The following KRT4 variants were observed in gnomAD, a reference collection of about 807,000 sequenced individuals.
KRT4 encodes keratin, type II cytoskeletal 4.
A neutral mutation model predicts 50.6 loss-of-function variants in KRT4; 47 were observed. The ratio of observed to expected loss-of-function variants is 0.93; its 90% CI spans 0.73 to 1.18. The LOEUF (loss-of-function observed/expected upper bound fraction) is 1.18, where lower values mean the gene tolerates loss of function less well. Ranked by LOEUF, KRT4 falls within the 50% of genes most tolerant of loss-of-function variation. The pLI, the probability that KRT4 is intolerant of heterozygous loss-of-function variation, is 0.00. For missense variants in KRT4, 651 were observed against 645.7 expected, an observed-to-expected ratio of 1.01 and a Z score of -0.09; for synonymous variants, 254 against 251.2, an observed-to-expected ratio of 1.01 and a Z score of -0.10.
Position 52,807,671 on chromosome 12 carries a change from C to A in KRT4, c.1319G>T (p.Arg440Leu), listed in dbSNP as rs748688818. 130 of 1,613,916 alleles carry A rather than the reference C, an allele frequency of 8.1e-5. No individual in the cohort carries two copies. Among genetic ancestry groups the A allele is most frequent in the Non-Finnish European group, 1.0e-4 (120 of 1,180,028 alleles). ...GTACTCCTCGCCCTCCAGCAGTTTG[C>A]GGTAGGTGGCGATCTCGATGTCCAA... ...LALDIEIATY[R>L]KLLEGEEYRM... is the part of the protein sequence containing the mutation. Residue 440 changes from arginine to leucine, a missense_variant, in exon 7 of 9, where the codon CGC becomes CTC. By Grantham distance (102) the Arg-to-Leu change is moderately radical. Coordinates refer to ENST00000551956, the MANE Select transcript of KRT4 (RefSeq NM_002272.4).
rs1406904259 is a variant in KRT4, at chr12:52,807,865, C to T, written c.1126-1G>A. ...CCACGGATACCTGAAGAGTCTGGCACTATTGACAAAGGCATTAGATAGGTG... is the reference window on the plus strand; with the variant it reads ...CCACGGATACCTGAAGAGTCTGGCATTATTGACAAAGGCATTAGATAGGTG... On this transcript the variant is annotated splice_acceptor_variant, in intron 6 of 8. Transcript: ENST00000551956. LOFTEE classifies it high-confidence loss of function. 5 of 1,613,250 alleles carry T rather than the reference C, an allele frequency of 3.1e-6. No homozygotes were observed. The Admixed American group carries it at 5.0e-5, about 16-fold the overall frequency.
Position 52,810,799 on chromosome 12 carries a change from T to C in KRT4, c.695A>G (p.Asn232Ser). Residue 232 changes from asparagine to serine, a missense_variant, in exon 3 of 9, where the codon AAC becomes AGC. Asn to Ser is a conservative substitution (Grantham distance 46). Transcript: ENST00000551956. ...GTCATTCTCGGCTGCTGTGCGTTTGTTGATCTCCTCTTCATACCTGGGGGT... is the reference window on the plus strand; with the variant it reads ...GTCATTCTCGGCTGCTGTGCGTTTGCTGATCTCCTCTTCATACCTGGGGGT... ...DFKTKYEEEINKRTAAENDFV... is the reference protein window; with the variant it reads ...DFKTKYEEEISKRTAAENDFV... The C allele has an allele frequency of 6.2e-7, 1 of 1,614,120 alleles. No individual in the cohort carries two copies. Among genetic ancestry groups the C allele is most frequent in the Non-Finnish European group, 8.5e-7 (1 of 1,179,948 alleles).
chr12:52,809,239 C>T, intron 4 of KRT4, 144 bp downstream of exon 4: 1 of 739,040 alleles, frequency 1.4e-6, no homozygotes, highest in Non-Finnish European at 2.5e-6. Context: ...CCACTTCAAA[C>T]CTTTCTATGC....
In KRT4 at chr12:52,809,483, A is replaced by C. The variant is rs1446884760; in HGVS notation, c.739-5T>G. On this transcript the variant is annotated splice_region_variant and splice_polypyrimidine_tract_variant and intron_variant, in intron 3 of 8. Transcript: ENST00000551956. ...CAGGTAGGCAGCATCCACGTCCTGC[A>C]GAGGAGTAAGGAGGATAAGAGATGA... 1.2e-6 allele frequency: 2 copies of C among 1,606,518 alleles called. No homozygotes were observed. The highest frequency in any genetic ancestry group is 3.3e-4 in the Middle Eastern group (2 of 6,050).
intron 1 of KRT4, among the ~76,000 whole-genome samples, chr12:52,812,704 G>A (rs1939933518): frequency 6.6e-6 from 1 of 152,242 alleles, no homozygotes; most frequent in African/African-American, 2.4e-5. Flanking sequence ...AAAGAGCCCT[G>A]AGTTTTTGCT....
chr12:52,808,093 G>A (rs1339269270), intron 6 of KRT4, among the ~76,000 whole-genome samples: 4 of 152,172 alleles, frequency 2.6e-5, no homozygotes, highest in Non-Finnish European at 4.4e-5. Context: ...GAAGAGCCAA[G>A]AAACCTATGC....
intron 5 of KRT4, 53 bp from the exon 6 acceptor site, chr12:52,808,472 T>C (rs1939847080): frequency 1.2e-6 from 2 of 1,610,882 alleles, no homozygotes; most frequent in Admixed American, 3.3e-5. Context: ...TTGGGTAGGG[T>C]CCATTCTCAA....
At chr12:52,813,205 T>A (rs1434098157) in intron 1 of KRT4, among the ~76,000 whole-genome samples, 1 of 152,190 alleles carries the variant, frequency 6.6e-6, no homozygotes, top group Non-Finnish European at 1.5e-5. Flanking sequence ...TTAGTTGTCT[T>A]CTGTTCTAAG....
Position 52,808,770 on chromosome 12 carries a change from G to C in KRT4, c.915C>G (p.Asp305Glu), listed in dbSNP as rs2121246895. ...SMDNNRNLDL[D>E]SIIAEVRAQY... ...GGGCACGGACCTCGGCAATAATGCT[G>C]TCCAGGTCCAGGTTGCGGTTGTTGT... is the stretch of plus-strand genomic sequence containing the variant. The change falls in exon 5 of 9, where the codon GAC becomes GAG. Residue 305 changes from aspartate to glutamate, a missense_variant. By Grantham distance (45) the Asp-to-Glu change is conservative (BLOSUM62 2). Coordinates refer to ENST00000551956, the MANE Select transcript of KRT4 (RefSeq NM_002272.4). 1 of 1,614,172 alleles carries C rather than the reference G, an allele frequency of 6.2e-7. No individual in the cohort carries two copies. Among genetic ancestry groups the C allele is most frequent in the Non-Finnish European group, 8.5e-7 (1 of 1,180,008 alleles).
rs1377516909 is a variant in KRT4, at chr12:52,810,757, T to A, written c.737A>T (p.Lys246Met). The A allele has an allele frequency of 6.2e-7, 1 of 1,613,960 alleles. No individual in the cohort carries two copies. Among genetic ancestry groups the A allele is most frequent in the South Asian group, 1.1e-5 (1 of 91,074 alleles). ...AAENDFVVLKKDVDAAYLNKV... is the reference protein window; with the variant it reads ...AAENDFVVLKMDVDAAYLNKV... The stretch of plus-strand genomic sequence containing the variant: ...TCCCTACCATCCTTCGTCTCTTACC[T>A]TCTTTAGGACCACAAAGTCATTCTC... The change falls in exon 3 of 9, where the codon AAG (lysine) becomes ATG (methionine). Residue 246 changes from lysine (K) to methionine (M), a missense_variant and splice_region_variant. Physicochemically the swap from Lys to Met is moderately conservative, Grantham distance 95 (BLOSUM62 -1). Coordinates refer to ENST00000551956, the MANE Select transcript of KRT4 (RefSeq NM_002272.4).
In KRT4 at chr12:52,808,752, G is replaced by A. The variant is rs1371135346; in HGVS notation, c.933C>T (p.Val311=). 1 of 1,614,084 alleles carries A rather than the reference G, an allele frequency of 6.2e-7. No homozygotes were observed. Among genetic ancestry groups the A allele is most frequent in the Non-Finnish European group, 8.5e-7 (1 of 1,180,042 alleles). Residue 311 remains valine, a synonymous_variant, in exon 5 of 9, where the codon GTC becomes GTT. Coordinates refer to ENST00000551956, the MANE Select transcript of KRT4 (RefSeq NM_002272.4). ...NLDLDSIIAE[V]RAQYEEIAQR... is the part of the protein sequence containing the mutation. ...GGGCAATCTCCTCGTACTGGGCACGGACCTCGGCAATAATGCTGTCCAGGT... is the reference window on the plus strand; with the variant it reads ...GGGCAATCTCCTCGTACTGGGCACGAACCTCGGCAATAATGCTGTCCAGGT...
In KRT4 at chr12:52,808,312, G is replaced by A. The variant is rs776377974; in HGVS notation, c.1107C>T (p.Ile369=). 5.0e-6 allele frequency: 8 copies of A among 1,614,070 alleles called. No homozygotes were observed. The highest frequency in any genetic ancestry group is 1.7e-5 in the Admixed American group (1 of 60,020). Residue 369 remains isoleucine (I), a synonymous_variant, in exon 6 of 9, where the codon ATC becomes ATT. Transcript: ENST00000551956. ...NRMIQRLRAE[I]ENIKKQCQTL... is the part of the protein sequence containing the mutation. ...CACCCACCTGCTTCTTGATGTTCTC[G>A]ATCTCTGCCCGCAGCCTCTGGATCA... is the stretch of plus-strand genomic sequence containing the variant.
intron 3 of KRT4, 119 bp from the exon 4 acceptor site, chr12:52,809,597 G>T: frequency 1.3e-6 from 1 of 750,398 alleles, no homozygotes; most frequent in East Asian, 2.6e-5. Context: ...TCAGCAGCAG[G>T]GGAGCTGGTG....
At position 52,813,644 on chromosome 12, in the gene KRT4, C is replaced by G; in HGVS notation, c.415G>C (p.Glu139Gln). ...TTGTTGTTGAGGAGCTTGATCTGTTCGCGCTCTTCCGTCCGGACTTTCTGG... is the reference window on the plus strand; with the variant it reads ...TTGTTGTTGAGGAGCTTGATCTGTTGGCGCTCTTCCGTCCGGACTTTCTGG... ...EIQKVRTEER[E>Q]QIKLLNNKFA... is the part of the protein sequence containing the mutation. Residue 139 changes from glutamate (E) to glutamine (Q), a missense_variant, in exon 1 of 9, where the codon GAA becomes CAA. Physicochemically the swap from Glu to Gln is conservative, Grantham distance 29. Transcript: ENST00000551956. 1.9e-6 allele frequency: 3 copies of G among 1,613,958 alleles called. No homozygotes were observed. Among genetic ancestry groups the G allele is most frequent in the Non-Finnish European group, 2.5e-6 (3 of 1,179,972 alleles).
intron 2 of KRT4, chr12:52,811,559 CA>C (rs1277472489): frequency 5.1e-6 from 3 of 592,404 alleles, no homozygotes; most frequent in Non-Finnish European, 9.0e-6. Context: ...CTGAATCTAT[CA>C]TTAAATTTCC....
Position 52,807,016 on chromosome 12 carries a change from A to G in KRT4, c.*53T>C. On this transcript the variant is annotated 3_prime_UTR_variant, in exon 9 of 9. Transcript: ENST00000551956. The stretch of plus-strand genomic sequence containing the variant: ...GAGGTGAAGTGAAGGAAGCACAGAG[A>G]CACCAGTGCTGGGCCCAGCTGGACA... 1 of 1,534,798 alleles carries G rather than the reference A, an allele frequency of 6.5e-7. No individual in the cohort carries two copies. Among genetic ancestry groups the G allele is most frequent in the South Asian group, 1.1e-5 (1 of 89,342 alleles).
Position 52,808,407 on chromosome 12 carries a change from G to A in KRT4, c.1012C>T (p.Gln338Ter). Residue 338 changes from glutamine to a stop codon, truncating the protein, a stop_gained, in exon 6 of 9, where the codon CAG (glutamine) becomes TAG (stop). Transcript: ENST00000551956. LOFTEE classifies it high-confidence loss of function. ...TCACCATGTTGGTCAACCGAGATCT[G>A]GAGCTGCTGGACCTAAGACTCAAGA... ...ALYQTKVQQL[Q>*]ISVDQHGDNL... 1 of 1,613,924 alleles carries A rather than the reference G, an allele frequency of 6.2e-7. No individual in the cohort carries two copies. Among genetic ancestry groups the A allele is most frequent in the Non-Finnish European group, 8.5e-7 (1 of 1,180,038 alleles).
At chr12:52,811,628 G>T in intron 2 of KRT4, 135 bp downstream of exon 2, 3 of 725,248 alleles carry the variant, frequency 4.1e-6, no homozygotes, top group Non-Finnish European at 7.3e-6. Context: ...CTATGTGGAT[G>T]TAGCAAAACA....
intron 1 of KRT4, among the ~76,000 whole-genome samples, chr12:52,812,222 G>T (rs939922701): frequency 6.6e-5 from 10 of 152,174 alleles, no homozygotes; most frequent in African/African-American, 2.2e-4. Flanking sequence ...GAGAAGCAGG[G>T]CCTAACAGTG....
Sources: allele counts gnomAD v4.1 joint callset (sites outside exome capture counted in the v4.1 genomes callset), GRCh38; gene constraint gnomAD v4.1.1; transcripts MANE v1.5; gene names NCBI Gene and HGNC (gene_info 2026-07-23, HGNC 2026-07-21).